CDH5: variants seen among roughly 807,000 people sequenced by gnomAD.
CDH5 encodes cadherin-5.
Under a neutral mutation model 62.0 loss-of-function variants are expected in CDH5, and 28 were observed. The ratio of observed to expected loss-of-function variants is 0.45; its 90% confidence interval spans 0.33 to 0.62. The LOEUF is 0.62. CDH5 is among the 20% of genes least tolerant of loss of function. The pLI is 0.02. For synonymous variants in CDH5, 464 were observed against 445.8 expected, an observed-to-expected ratio of 1.04 and a Z score of -0.52; for missense variants, 940 against 1,065.1, an observed-to-expected ratio of 0.88 and a Z score of 1.63.
chr16:66,386,741 TCTCA>T, intron 2 of CDH5, 64 bp from the exon 3 acceptor site: 1 of 1,392,228 alleles, frequency 7.2e-7, no homozygotes, highest in Non-Finnish European at 9.9e-7. Context: ...GTACACACAC[TCTCA>T]CTCACACACT....
chr16:66,366,956 C>G (rs1960598437), intron 1 of CDH5, among the ~76,000 whole-genome samples, 198 bp downstream of exon 1: 1 of 152,250 alleles, frequency 6.6e-6, no homozygotes, highest in Non-Finnish European at 1.5e-5. Flanking sequence ...GTGCCAAGGG[C>G]ACAAATGGGC....
At chr16:66,373,501 C>T (rs866124446) in intron 1 of CDH5, among the ~76,000 whole-genome samples, 15 of 151,982 alleles carry the variant, frequency 9.9e-5, no homozygotes, top group African/African-American at 3.4e-4. Context: ...CTGCAACCCC[C>T]GCCTCCCAGG....
chr16:66,389,282 T>C, intron 4 of CDH5, 76 bp from the exon 5 acceptor site: 4 of 1,444,972 alleles, frequency 2.8e-6, no homozygotes, highest in Non-Finnish European at 3.8e-6. Context: ...TAAGTCAGGT[T>C]CTCTCTGGGC....
chr16:66,398,017 C>T lies in CDH5; in HGVS notation c.1396C>T (p.His466Tyr). 6.2e-7 allele frequency: 1 copy of T among 1,614,176 alleles called. No homozygotes were observed. The highest frequency in any genetic ancestry group is 8.5e-7 in the Non-Finnish European group (1 of 1,180,028). The change falls in exon 9 of 12, where the codon CAC (histidine) becomes TAC (tyrosine). Residue 466 changes from histidine (H) to tyrosine (Y), a missense_variant. Physicochemically the swap from His to Tyr is moderately conservative, Grantham distance 83. Transcript: ENST00000341529. ...AGGAAAAGAATCCATTGTGCAAGTCCACATTGAAGTTTTGGATGAGAATGA... is the reference window on the plus strand; with the variant it reads ...AGGAAAAGAATCCATTGTGCAAGTCTACATTGAAGTTTTGGATGAGAATGA... The part of the protein sequence containing the change: ...PTGKESIVQV[H>Y]IEVLDENDNA...
chr16:66,402,580 G>A, intron 11 of CDH5, 72 bp from the exon 12 acceptor site: 5 of 1,358,626 alleles, frequency 3.7e-6, no homozygotes, highest in Non-Finnish European at 4.9e-6. Context: ...GGGGGCAGTG[G>A]GGATGGGGGC....
At chr16:66,400,684 T>C in intron 10 of CDH5, 87 bp from the exon 11 acceptor site, 2 of 1,526,986 alleles carry the variant, frequency 1.3e-6, no homozygotes, top group South Asian at 2.3e-5. Context: ...CGCAGGCTGG[T>C]GCAGTCAGGG....
chr16:66,390,833 G>A lies in CDH5; in HGVS notation c.969+243G>A, dbSNP rs539683020. Reference sequence around the variant, plus strand: ...GAGGTGATCCCAGGAAGCCCCAGGAGCAATGACCCACTGCGGGGTAAGTGT... The same window carrying A: ...GAGGTGATCCCAGGAAGCCCCAGGAACAATGACCCACTGCGGGGTAAGTGT... On this transcript the variant is annotated intron_variant, in intron 6 of 11. Coordinates refer to ENST00000341529, the MANE Select transcript of CDH5 (RefSeq NM_001795.5). Among the ~76,000 whole-genome samples the A allele has an allele frequency of 6.6e-5, 10 of 152,322 alleles. No homozygotes were observed. In the South Asian group the frequency reaches 1.2e-3, roughly 19 times the overall value.
chr16:66,387,240 G>T (rs188619505), intron 3 of CDH5, 143 bp downstream of exon 3: 436 of 769,214 alleles, frequency 5.7e-4, no homozygotes, highest in Admixed American at 6.5e-4. Context: ...CACTTTACAT[G>T]ATTTGAAAGA....
intron 1 of CDH5, chr16:66,376,656 A>T (rs1424951308): frequency 6.6e-6 from 1 of 152,100 alleles, no homozygotes; most frequent in Admixed American, 6.5e-5. Flanking sequence ...CTCTCCTGTC[A>T]GTCCTGTGGC....
chr16:66,402,717 G>C lies in CDH5; in HGVS notation c.1903G>C (p.Val635Leu). The change falls in exon 12 of 12, where the codon GTG (valine) becomes CTG (leucine). Residue 635 changes from valine (V) to leucine (L), a missense_variant. Coordinates refer to ENST00000341529, the MANE Select transcript of CDH5 (RefSeq NM_001795.5). ...GCAGGCCCGCGCGCACGGCAAGAGC[G>C]TGCCGGAGATCCACGAGCAGCTGGT... ...RKQARAHGKSVPEIHEQLVTY... is the reference protein window; with the variant it reads ...RKQARAHGKSLPEIHEQLVTY... The C allele has an allele frequency of 6.2e-7, 1 of 1,609,724 alleles. No individual in the cohort carries two copies. Among genetic ancestry groups the C allele is most frequent in the Admixed American group, 1.7e-5 (1 of 59,842 alleles).
intron 7 of CDH5, chr16:66,392,724 CT>C (rs1210838878): frequency 6.8e-5 from 18 of 264,204 alleles, no homozygotes; most frequent in African/African-American, 3.9e-4. Flanking sequence ...CCAGAGGCCC[CT>C]TCACTAAAAC....
At chr16:66,399,182 T>C (rs1367724032) in intron 10 of CDH5, among the ~76,000 whole-genome samples, 1 of 152,248 alleles carries the variant, frequency 6.6e-6, no homozygotes, top group Admixed American at 6.5e-5. Context: ...CTACAACGAT[T>C]ACTCACGATT....
At chr16:66,372,163 T>C (rs537173685) in intron 1 of CDH5, among the ~76,000 whole-genome samples, 2 of 152,324 alleles carry the variant, frequency 1.3e-5, no homozygotes, top group South Asian at 4.1e-4. Flanking sequence ...CCAGTCTGTA[T>C]GCTCCCACAG....
intron 1 of CDH5, among the ~76,000 whole-genome samples, chr16:66,373,543 G>A (rs562037231): frequency 1.2e-3 from 175 of 152,054 alleles, no homozygotes; most frequent in African/African-American, 4.1e-3. Context: ...AGCCTCCCGA[G>A]TAGCTGGGAC....
chr16:66,370,925 A>G (rs941765380), intron 1 of CDH5, among the ~76,000 whole-genome samples: 1 of 152,148 alleles, frequency 6.6e-6, no homozygotes, highest in Non-Finnish European at 1.5e-5. Flanking sequence ...GGGGACAACC[A>G]TGCTAGGCCT....
At chr16:66,376,683 G>A (rs950550221) in intron 1 of CDH5, 6 of 152,228 alleles carry the variant, frequency 3.9e-5, no homozygotes, top group Non-Finnish European at 8.8e-5. Context: ...TCAGATGTGG[G>A]CTGAAACGTC....
chr16:66,390,315 A>T, intron 5 of CDH5, 88 bp from the exon 6 acceptor site: 2 of 1,018,170 alleles, frequency 2.0e-6, no homozygotes, highest in Non-Finnish European at 2.8e-6. Flanking sequence ...CATTTCTTTT[A>T]TCAAAATATG....
intron 10 of CDH5, among the ~76,000 whole-genome samples, chr16:66,400,185 C>T (rs9934228): frequency 1.3e-5 from 2 of 152,256 alleles, no homozygotes; most frequent in South Asian, 2.1e-4. Flanking sequence ...GGAAGGTGGG[C>T]GGGGCCAATA....
At chr16:66,368,760 C>A (rs980628248) in intron 1 of CDH5, among the ~76,000 whole-genome samples, 2 of 152,274 alleles carry the variant, frequency 1.3e-5, no homozygotes, top group Non-Finnish European at 1.5e-5. Flanking sequence ...AGGGTGAGTG[C>A]GGTTCCTTCT....
Sources: gnomAD v4.1 joint callset for allele counts (sites outside exome capture counted in the v4.1 genomes callset) on GRCh38, gnomAD v4.1.1 for gene constraint, MANE v1.5 for transcripts, NCBI Gene and HGNC (gene_info 2026-07-23, HGNC 2026-07-21) for gene names.